DCLK1: variants seen among roughly 807,000 people sequenced by gnomAD.
DCLK1 encodes the protein serine/threonine-protein kinase DCLK1.
Under a neutral mutation model 86.2 loss-of-function variants are expected in DCLK1, and 16 were observed. That is an observed-to-expected ratio of 0.19 (90% CI 0.13 to 0.28). The LOEUF (loss-of-function observed/expected upper bound fraction) is 0.28, where lower values mean the gene tolerates loss of function less well. Ranked by LOEUF, DCLK1 falls within the 10% of genes least tolerant of loss-of-function variation. The probability of loss-of-function intolerance (pLI) is 1.00; values close to 1 mark genes in which losing one functional copy is unlikely to be tolerated. For synonymous variants in DCLK1, 369 were observed against 370.5 expected, an observed-to-expected ratio of 1.00 and a Z score of 0.05; for missense variants, 590 against 940.2, an observed-to-expected ratio of 0.63 and a Z score of 4.87.
At chr13:35,848,597 G>T in intron 6 of DCLK1, 1 of 985,266 alleles carries the variant, frequency 1.0e-6, no homozygotes, top group Non-Finnish European at 1.2e-6. Flanking sequence ...TCTAAACAAA[G>T]CCATGGGCTC....
intron 4 of DCLK1, among the ~76,000 whole-genome samples, chr13:35,911,909 G>A (rs1358244523): frequency 6.6e-6 from 1 of 152,130 alleles, no homozygotes; most frequent in Non-Finnish European, 1.5e-5. Context: ...CACATACTAG[G>A]AGTCCTGTGG....
intron 3 of DCLK1, among the ~76,000 whole-genome samples, chr13:36,011,672 A>G (rs963267289): frequency 1.7e-4 from 26 of 152,070 alleles, no homozygotes; most frequent in Non-Finnish European, 3.1e-4. Flanking sequence ...TGGAATAGGT[A>G]TGGTGTGGTG....
At chr13:36,110,954 C>G (rs78419749) in intron 3 of DCLK1, among the ~76,000 whole-genome samples, 3 of 151,702 alleles carry the variant, frequency 2.0e-5, no homozygotes, top group African/African-American at 7.3e-5. Flanking sequence ...CCTCAGCCCC[C>G]TGAGTAGCTG....
Position 35,958,131 on chromosome 13 carries a change from A to ACTATAACCATCACCACCACCACTG in DCLK1, c.724-10675_724-10674insCAGTGGTGGTGGTGATGGTTATAG, listed in dbSNP as rs1555352809. 1.5e-3 allele frequency among the ~76,000 whole-genome samples: 77 copies of ACTATAACCATCACCACCACCACTG among 49,722 alleles called. 7 individuals carry two copies. Among genetic ancestry groups the ACTATAACCATCACCACCACCACTG allele is most frequent in the Middle Eastern group, 9.6e-3 (1 of 104 alleles). The allele number at this position is 49,722 out of a possible 152,430, so 32.6% of individuals were successfully genotyped here. A position where few individuals can be genotyped will look rare whatever the true frequency, so the allele number is the denominator to read the frequency against. ...CACCATCACCACCACCACTACCACT[A>ACTATAACCATCACCACCACCACTG]CTATAACCACCACCACCACCACTAT... On this transcript the variant is annotated intron_variant, in intron 3 of 16. Transcript: ENST00000360631.
chr13:36,021,153 G>C (rs1438144743), intron 3 of DCLK1, among the ~76,000 whole-genome samples: 1 of 151,670 alleles, frequency 6.6e-6, no homozygotes, highest in Non-Finnish European at 1.5e-5. Context: ...CAAAGTCTTG[G>C]TATATAACTG....
intron 3 of DCLK1, among the ~76,000 whole-genome samples, chr13:36,105,034 C>A (rs1436149202): frequency 6.6e-6 from 1 of 152,048 alleles, no homozygotes; most frequent in Admixed American, 6.5e-5. Context: ...TTAATTATCA[C>A]CCCAATATTA....
intron 15 of DCLK1, among the ~76,000 whole-genome samples, chr13:35,802,772 A>T (rs935260929): frequency 6.6e-6 from 1 of 152,192 alleles, no homozygotes; most frequent in Non-Finnish European, 1.5e-5. Context: ...AAAAAGTAGC[A>T]CAAATGGATG....
intron 3 of DCLK1, among the ~76,000 whole-genome samples, chr13:36,012,510 A>G (rs1881322676): frequency 6.9e-6 from 1 of 145,818 alleles, no homozygotes; most frequent in African/African-American, 2.6e-5. Flanking sequence ...TGGATATGAA[A>G]TTCTGGGTTG....
At chr13:35,967,270 GC>G (rs1183238134) in intron 3 of DCLK1, among the ~76,000 whole-genome samples, 10 of 148,274 alleles carry the variant, frequency 6.7e-5, no homozygotes, top group African/African-American at 1.5e-4. Flanking sequence ...CTGCCCGGCC[GC>G]CCCGTCTGGG....
intron 2 of DCLK1, among the ~76,000 whole-genome samples, chr13:36,115,960 A>G (rs118075561): frequency 0.016 from 2,351 of 150,484 alleles, 21 homozygotes; most frequent in Non-Finnish European, 0.026. Context: ...TTCATTTTTT[A>G]TGTTTTTGAG....
chr13:35,855,937 C>T (rs948797969), intron 5 of DCLK1: 14 of 834,616 alleles, frequency 1.7e-5, no homozygotes, highest in Non-Finnish European at 2.0e-5. Flanking sequence ...CTGGTGACTA[C>T]CAGGTAATCA....
At chr13:35,807,448 A>G (rs974111601) in intron 14 of DCLK1, among the ~76,000 whole-genome samples, 2 of 152,142 alleles carry the variant, frequency 1.3e-5, no homozygotes, top group Non-Finnish European at 2.9e-5. Context: ...GCTTCCCCAT[A>G]AAGTCTTTCT....
At chr13:35,833,601 G>A (rs1359541309) in intron 8 of DCLK1, among the ~76,000 whole-genome samples, 2 of 152,158 alleles carry the variant, frequency 1.3e-5, no homozygotes, top group African/African-American at 2.4e-5. Flanking sequence ...GAAAGACATC[G>A]TTATTGTGTC....
At chr13:35,782,580 G>A (rs2086548052) in intron 16 of DCLK1, among the ~76,000 whole-genome samples, 1 of 152,190 alleles carries the variant, frequency 6.6e-6, no homozygotes, top group Non-Finnish European at 1.5e-5. Context: ...CATCTCATAT[G>A]TGATTTGATT....
chr13:35,871,237 G>A lies in DCLK1; in HGVS notation c.927C>T (p.Ala309=), dbSNP rs1431939887. The change falls in exon 5 of 17, where the codon GCC becomes GCT. Residue 309 remains alanine (A), a synonymous_variant. Transcript: ENST00000360631. ...PGPSRRSKSP[A]STSSVNGTPG... ...CTGCTGCTTTACCTGAGCTGGTGGA[G>A]GCAGGGGACTTGCTACGCCTGGACG... 6.2e-7 allele frequency: 1 copy of A among 1,613,668 alleles called. No homozygotes were observed. The highest frequency in any genetic ancestry group is 1.7e-5 in the Admixed American group (1 of 59,966).
chr13:35,958,817 T>C (rs1878290814), intron 3 of DCLK1, among the ~76,000 whole-genome samples: 1 of 152,260 alleles, frequency 6.6e-6, no homozygotes, highest in African/African-American at 2.4e-5. Flanking sequence ...GACATTTACA[T>C]GGCTTCCAAA....
chr13:35,932,746 G>T (rs2225045), intron 4 of DCLK1, among the ~76,000 whole-genome samples: 1 of 152,188 alleles, frequency 6.6e-6, no homozygotes, highest in Non-Finnish European at 1.5e-5. Context: ...ACAACATGTA[G>T]GAATTATGGG....
rs200521809 is a variant in DCLK1, at chr13:35,810,838, G to T, written c.1685C>A (p.Thr562Asn). 25 of 1,613,534 alleles carry T rather than the reference G, an allele frequency of 1.5e-5. No individual in the cohort carries two copies. Among genetic ancestry groups the T allele is most frequent in the Admixed American group, 1.5e-4 (9 of 59,906 alleles). Residue 562 changes from threonine (T) to asparagine (N), a missense_variant, in exon 12 of 17, where the codon ACT (threonine) becomes AAT (asparagine). By Grantham distance (65) the Thr-to-Asn change is moderately conservative. This residue lies in a region of DCLK1 where 28 missense variants were observed against 77.1 expected (regional missense o/e 0.36). Transcript: ENST00000360631. ...TYVAPEIIAE[T>N]GYGLKVDIWA... ...TAAACATAAGAGAAGCATTTACCCAGTCTCTGCAATGATTTCTGGAGCCAC... is the reference window on the plus strand; with the variant it reads ...TAAACATAAGAGAAGCATTTACCCATTCTCTGCAATGATTTCTGGAGCCAC...
intron 2 of DCLK1, among the ~76,000 whole-genome samples, chr13:36,118,030 T>C (rs1166742332): frequency 6.6e-6 from 1 of 152,116 alleles, no homozygotes; most frequent in African/African-American, 2.4e-5. Flanking sequence ...AATAATAATA[T>C]GCTCTGTTGC....
Sources: gnomAD v4.1 joint callset for allele counts (sites outside exome capture counted in the v4.1 genomes callset) on GRCh38, gnomAD v4.1.1 for gene constraint, gnomAD v4.1.1 regional missense constraint, MANE v1.5 for transcripts, NCBI Gene and HGNC (gene_info 2026-07-23, HGNC 2026-07-21) for gene names.